The following KLRD1 variants were observed in gnomAD, a reference collection of about 807,000 sequenced individuals.
KLRD1 encodes the protein natural killer cells antigen CD94.
KLRD1 carries 21 observed loss-of-function variants against 22.6 expected under a neutral mutation model. That is an observed-to-expected ratio of 0.93 (90% CI 0.66 to 1.34). The LOEUF (loss-of-function observed/expected upper bound fraction) is 1.34. KLRD1 is among the 40% of genes most tolerant of loss of function. KLRD1 has a pLI of 0.00. For missense variants in KLRD1, 183 were observed against 208.6 expected, an observed-to-expected ratio of 0.88 and a Z score of 0.76; for synonymous variants, 59 against 71.1, an observed-to-expected ratio of 0.83 and a Z score of 0.85.
intron 1 of KLRD1, among the ~76,000 whole-genome samples, chr12:10,284,053 G>C (rs562835962): frequency 6.6e-6 from 1 of 151,580 alleles, no homozygotes; most frequent in Non-Finnish European, 1.5e-5. Context: ...TGGGCATGGT[G>C]GTGGGCGCTT....
chr12:10,241,428 G>C (rs1281356648), intron 1 of KLRD1, among the ~76,000 whole-genome samples: 1 of 152,148 alleles, frequency 6.6e-6, no homozygotes, highest in Non-Finnish European at 1.5e-5. Context: ...GACAAAGAAT[G>C]TGTAAATAGC....
rs564618606 is a variant in KLRD1, at chr12:10,274,682, C to T, written c.-100-33296C>T. On this transcript the variant is annotated intron_variant, in intron 1 of 5. Transcript: ENST00000544747. ...TCAATTCATTAATTCTCTCTTCATC[C>T]GTGTCTAAGTAGACATTAAATATAT... is the stretch of plus-strand genomic sequence containing the variant. 2.3e-4 allele frequency among the ~76,000 whole-genome samples: 35 copies of T among 152,124 alleles called. 1 individual carries two copies. The highest frequency in any genetic ancestry group is 7.2e-4 in the African/African-American group (30 of 41,532).
At chr12:10,281,224 C>T (rs544548830) in intron 1 of KLRD1, among the ~76,000 whole-genome samples, 3 of 152,098 alleles carry the variant, frequency 2.0e-5, no homozygotes, top group African/African-American at 7.2e-5. Flanking sequence ...AAGACAAAAC[C>T]ACAAGTGAGG....
chr12:10,239,374 G>A (rs1463316451), intron 1 of KLRD1, among the ~76,000 whole-genome samples: 3 of 151,950 alleles, frequency 2.0e-5, no homozygotes, highest in African/African-American at 7.3e-5. Context: ...CTTGCTCTCT[G>A]GGGATGATAC....
intron 1 of KLRD1, among the ~76,000 whole-genome samples, chr12:10,250,807 T>C (rs1307649663): frequency 1.3e-5 from 2 of 152,112 alleles, no homozygotes; most frequent in African/African-American, 4.8e-5. Context: ...ACTTTAAAAA[T>C]GGATAGCGTA....
chr12:10,313,921 A>G (rs2137720465), intron 5 of KLRD1, among the ~76,000 whole-genome samples: 1 of 152,328 alleles, frequency 6.6e-6, no homozygotes, highest in East Asian at 1.9e-4. Flanking sequence ...TAAACATTTG[A>G]AAGGTATTAT....
At chr12:10,272,704 C>CAG (rs1949560917) in intron 1 of KLRD1, among the ~76,000 whole-genome samples, 2 of 152,134 alleles carry the variant, frequency 1.3e-5, no homozygotes, top group Non-Finnish European at 2.9e-5. Flanking sequence ...ATTGCGACAT[C>CAG]AGAGAGGATG....
chr12:10,268,263 C>T (rs371177076), intron 1 of KLRD1, among the ~76,000 whole-genome samples: 1 of 152,266 alleles, frequency 6.6e-6, no homozygotes, highest in African/African-American at 2.4e-5. Context: ...CAGGTGGCCC[C>T]TAGCGTCACC....
chr12:10,282,312 A>G (rs1949652667), intron 1 of KLRD1, among the ~76,000 whole-genome samples: 1 of 150,158 alleles, frequency 6.7e-6, no homozygotes, highest in Admixed American at 6.6e-5. Flanking sequence ...GCTGGGGTGT[A>G]ATGGCATGAT....
intron 1 of KLRD1, among the ~76,000 whole-genome samples, chr12:10,295,318 G>C (rs1205727609): frequency 6.6e-6 from 1 of 151,760 alleles, no homozygotes; most frequent in East Asian, 1.9e-4. Flanking sequence ...TTTCTTTAAA[G>C]TTGTCTCTGT....
intron 1 of KLRD1, among the ~76,000 whole-genome samples, chr12:10,265,807 T>C (rs1949494016): frequency 6.6e-6 from 1 of 152,178 alleles, no homozygotes; most frequent in Non-Finnish European, 1.5e-5. Flanking sequence ...ACATCTGATA[T>C]TTACGACCTT....
chr12:10,254,451 A>C (rs1014827364), intron 1 of KLRD1, among the ~76,000 whole-genome samples: 14 of 148,462 alleles, frequency 9.4e-5, no homozygotes, highest in African/African-American at 2.7e-4. Context: ...AAAAAAAAAA[A>C]ACCTATCAAC....
At chr12:10,266,504 T>C (rs1949500279) in intron 1 of KLRD1, among the ~76,000 whole-genome samples, 1 of 152,096 alleles carries the variant, frequency 6.6e-6, no homozygotes, top group South Asian at 2.1e-4. Context: ...TAATATTATA[T>C]GGATTTGAAT....
rs2137757416 is a variant in KLRD1 at position 10,327,110 on chromosome 12, T to C, written c.*12317T>C. ...TATGGTGTAAGATAAGCAATTTCTT[T>C]GCAATATGGATGTTCATTTTTCCCG... On this transcript the variant is annotated 3_prime_UTR_variant, in exon 6 of 6. Coordinates refer to ENST00000336164, the MANE Select transcript of KLRD1 (RefSeq NM_002262.5). The C allele has an allele frequency of 1.3e-5, 2 of 152,350 alleles. No individual in the cohort carries two copies. The highest frequency in any genetic ancestry group is 4.1e-4 in the South Asian group (2 of 4,828). 9.4% of individuals were successfully genotyped at this position (152,350 alleles called of 1,614,324 possible). A position where few individuals can be genotyped will look rare whatever the true frequency, so the allele number is the denominator to read the frequency against.
chr12:10,275,169 C>T (rs1386829424), intron 1 of KLRD1, among the ~76,000 whole-genome samples: 1 of 152,162 alleles, frequency 6.6e-6, no homozygotes, highest in South Asian at 2.1e-4. Flanking sequence ...AGATTATAGG[C>T]GTGAGCCACC....
At chr12:10,311,719 G>A (rs1359445170) in intron 4 of KLRD1, 104 bp downstream of exon 4, 2 of 1,000,770 alleles carry the variant, frequency 2.0e-6, no homozygotes, top group Non-Finnish European at 3.0e-6. Flanking sequence ...ATAGTAAGTG[G>A]ATGGTTATAT....
intron 4 of KLRD1, among the ~76,000 whole-genome samples, chr12:10,312,134 C>A (rs1741964799): frequency 6.7e-6 from 1 of 148,832 alleles, no homozygotes; most frequent in East Asian, 2.0e-4. Flanking sequence ...CTCACTGCAG[C>A]CTCCACCTCC....
At chr12:10,303,759 A>G (rs776343711), upstream of KLRD1, among the ~76,000 whole-genome samples, 4 of 152,210 alleles carry the variant, frequency 2.6e-5, no homozygotes, top group African/African-American at 9.6e-5. Flanking sequence ...ATCCCCAAAT[A>G]GCCCCTGCAT....
chr12:10,292,875 G>A (rs919910990), intron 1 of KLRD1, among the ~76,000 whole-genome samples: 3 of 151,952 alleles, frequency 2.0e-5, no homozygotes, highest in African/African-American at 7.3e-5. Flanking sequence ...GTTGTTTAGT[G>A]TAGCCACCTT....
Sources: gnomAD v4.1 joint callset for allele counts (sites outside exome capture counted in the v4.1 genomes callset) on GRCh38, gnomAD v4.1.1 for gene constraint, MANE v1.5 for transcripts, NCBI Gene and HGNC (gene_info 2026-07-23, HGNC 2026-07-21) for gene names.